The following TRIM33 variants were observed in gnomAD, a reference collection of about 807,000 sequenced individuals.
TRIM33 encodes tripartite motif containing 33.
A neutral mutation model predicts 125.4 loss-of-function variants in TRIM33; 20 were observed. That is an observed-to-expected ratio of 0.16 (90% CI 0.11 to 0.23). The LOEUF (loss-of-function observed/expected upper bound fraction) is 0.23, where lower values mean the gene tolerates loss of function less well. Ranked by LOEUF, TRIM33 falls within the 10% of genes least tolerant of loss-of-function variation. The pLI is 1.00. For synonymous variants in TRIM33, 564 were observed against 513.9 expected, an observed-to-expected ratio of 1.10 and a Z score of -1.32; for missense variants, 920 against 1,411.4, an observed-to-expected ratio of 0.65 and a Z score of 5.58.
intron 1 of TRIM33, among the ~76,000 whole-genome samples, chr1:114,468,068 G>A (rs901407196): frequency 2.0e-5 from 3 of 152,184 alleles, no homozygotes; most frequent in African/African-American, 7.2e-5. Context: ...GAAGCTGGAT[G>A]GAAAAAGATT....
chr1:114,423,844 CT>C (rs1647368684), intron 10 of TRIM33, among the ~76,000 whole-genome samples: 1 of 152,118 alleles, frequency 6.6e-6, no homozygotes, highest in Non-Finnish European at 1.5e-5. Flanking sequence ...TTACTGAGTA[CT>C]CCCCACCTAG....
At chr1:114,398,620 A>G (rs1651680401) in intron 18 of TRIM33, among the ~76,000 whole-genome samples, 1 of 152,102 alleles carries the variant, frequency 6.6e-6, no homozygotes, top group African/African-American at 2.4e-5. Context: ...TGCCATCTGG[A>G]TGCTTCCAGA....
rs774777248 is a variant in TRIM33 at position 114,493,389 on chromosome 1, G to T, written c.526+17162C>A. Among the ~76,000 whole-genome samples, 6 of 152,008 alleles carry T rather than the reference G, an allele frequency of 3.9e-5. 1 individual carries two copies. The highest frequency in any genetic ancestry group is 2.6e-4 in the Admixed American group (4 of 15,254). On this transcript the variant is annotated intron_variant, in intron 1 of 19. Transcript: ENST00000358465. ...TCAATGTACAAAAGTTTTACATTTTGATCAAGTCCGACTTACTATTTTTTC... is the reference window on the plus strand; with the variant it reads ...TCAATGTACAAAAGTTTTACATTTTTATCAAGTCCGACTTACTATTTTTTC...
intron 4 of TRIM33, among the ~76,000 whole-genome samples, chr1:114,443,475 G>A (rs965709195): frequency 6.6e-6 from 1 of 152,098 alleles, no homozygotes; most frequent in Non-Finnish European, 1.5e-5. Flanking sequence ...GGACTCAAGC[G>A]ATCCACCAGC....
intron 11 of TRIM33, 75 bp downstream of exon 11, chr1:114,421,361 A>C (rs553140889): frequency 6.4e-6 from 9 of 1,395,824 alleles, no homozygotes; most frequent in South Asian, 6.4e-5. Flanking sequence ...TAAAAAAAAA[A>C]AACTCTGAAA....
chr1:114,439,468 C>CAAA (rs59231995), intron 4 of TRIM33, among the ~76,000 whole-genome samples: 8 of 45,972 alleles, frequency 1.7e-4, no homozygotes, highest in East Asian at 9.3e-4. Flanking sequence ...GACTCTGTAT[C>CAAA]AAAAAAAAAA....
chr1:114,484,489 G>A (rs1651550594), intron 1 of TRIM33, among the ~76,000 whole-genome samples: 2 of 152,156 alleles, frequency 1.3e-5, no homozygotes, highest in African/African-American at 2.4e-5. Flanking sequence ...TACTTTGGGA[G>A]GCTGAGGCGG....
chr1:114,440,400 T>C (rs1424462660), intron 4 of TRIM33, among the ~76,000 whole-genome samples: 1 of 151,450 alleles, frequency 6.6e-6, no homozygotes, highest in Non-Finnish European at 1.5e-5. Flanking sequence ...AGTTCATAGT[T>C]TTAAAAGACT....
In TRIM33 at chr1:114,397,708, G is replaced by A. The variant is rs537282131; in HGVS notation, c.3324C>T (p.Asp1108=). ...DGEVTEDSDE[D]FIQPRRKRLK... ...GGCGTTTTCTGCGGGGCTGTATAAA[G>A]TCTTCATCAGAGTCCTCAGTTACCT... Residue 1108 remains aspartate (D), a synonymous_variant, in exon 20 of 20, where the codon GAC becomes GAT. Coordinates refer to ENST00000358465, the MANE Select transcript of TRIM33 (RefSeq NM_015906.4). The A allele has an allele frequency of 2.1e-5, 33 of 1,587,010 alleles. No homozygotes were observed. The South Asian group carries it at 3.3e-4, about 16-fold the overall frequency.
rs990577567 is a variant in TRIM33, at chr1:114,393,745, A to G, written c.*3903T>C. 6 of 209,630 alleles carry G rather than the reference A, an allele frequency of 2.9e-5. No homozygotes were observed. Among genetic ancestry groups the G allele is most frequent in the Admixed American group, 1.8e-4 (3 of 16,952 alleles). 13.0% of individuals were successfully genotyped at this position (209,630 alleles called of 1,614,324 possible). A position where few individuals can be genotyped will look rare whatever the true frequency, so the allele number is the denominator to read the frequency against. On this transcript the variant is annotated 3_prime_UTR_variant, in exon 20 of 20. Coordinates refer to ENST00000358465, the MANE Select transcript of TRIM33 (RefSeq NM_015906.4). ...GGCATATAAATTTTTTTCCTTAAAA[A>G]AGTACCTTCAATTTTTTTACTCAAA...
At chr1:114,408,212 T>C (rs567980678) in intron 13 of TRIM33, among the ~76,000 whole-genome samples, 1 of 152,314 alleles carries the variant, frequency 6.6e-6, no homozygotes, top group East Asian at 1.9e-4. Context: ...AACTACATTT[T>C]TACAACAAAT....
intron 1 of TRIM33, among the ~76,000 whole-genome samples, chr1:114,480,144 T>C (rs1211358960): frequency 1.3e-5 from 2 of 152,200 alleles, no homozygotes; most frequent in African/African-American, 4.8e-5. Context: ...AGAAAGATTC[T>C]TCTGCCTTGG....
At chr1:114,408,026 C>T (rs1652357311) in intron 13 of TRIM33, among the ~76,000 whole-genome samples, 1 of 152,168 alleles carries the variant, frequency 6.6e-6, no homozygotes, top group South Asian at 2.1e-4. Context: ...AGGCATAATT[C>T]GCCCCAAAGG....
At chr1:114,416,297 C>G (rs34258900) in intron 11 of TRIM33, among the ~76,000 whole-genome samples, 9 of 152,284 alleles carry the variant, frequency 5.9e-5, no homozygotes, top group Non-Finnish European at 5.9e-5. Flanking sequence ...TAATGAGATA[C>G]ATGTACTGTA....
intron 1 of TRIM33, among the ~76,000 whole-genome samples, chr1:114,479,615 A>G (rs1157868463): frequency 6.6e-6 from 1 of 152,256 alleles, no homozygotes; most frequent in East Asian, 1.9e-4. Context: ...CAAAAAATCT[A>G]AAGGAAGTCT....
At chr1:114,408,955 G>A (rs1006123065) in intron 12 of TRIM33, among the ~76,000 whole-genome samples, 6 of 152,102 alleles carry the variant, frequency 3.9e-5, no homozygotes, top group African/African-American at 1.4e-4. Flanking sequence ...CCTCCTCAGG[G>A]CACCACTATC....
chr1:114,401,549 G>T, intron 16 of TRIM33, 86 bp from the exon 17 acceptor site: 2 of 1,126,710 alleles, frequency 1.8e-6, no homozygotes, highest in Non-Finnish European at 2.6e-6. Flanking sequence ...TCACAACAAA[G>T]TTTGATTACA....
intron 4 of TRIM33, among the ~76,000 whole-genome samples, chr1:114,461,211 T>TA (rs569418875): frequency 0.055 from 5,300 of 96,086 alleles, 315 homozygotes; most frequent in African/African-American, 0.2. Context: ...AACCTGTCTT[T>TA]AAAAATATAT....
At chr1:114,497,345 G>A (rs915067746) in intron 1 of TRIM33, among the ~76,000 whole-genome samples, 18 of 152,140 alleles carry the variant, frequency 1.2e-4, no homozygotes, top group Non-Finnish European at 2.4e-4. Flanking sequence ...TGCCCAGGCT[G>A]GAGTGCAACA....
Sources: allele counts gnomAD v4.1 joint callset (sites outside exome capture counted in the v4.1 genomes callset), GRCh38; gene constraint gnomAD v4.1.1; transcripts MANE v1.5; gene names NCBI Gene and HGNC (gene_info 2026-07-23, HGNC 2026-07-21).